Variants in C6orf89 observed in about 807,000 individuals in gnomAD.
The protein encoded by C6orf89 is bombesin receptor-activated protein C6orf89.
A neutral mutation model predicts 40.7 loss-of-function variants in C6orf89; 29 were observed. The ratio of observed to expected loss-of-function variants is 0.71; its 90% confidence interval spans 0.53 to 0.97. The LOEUF (loss-of-function observed/expected upper bound fraction) is 0.97. Ranked by LOEUF, C6orf89 falls within the 50% of genes least tolerant of loss-of-function variation. C6orf89 has a pLI of 0.00. For missense variants in C6orf89, 392 were observed against 429.1 expected (o/e 0.91, Z 0.76); for synonymous variants, 165 against 152.2 (o/e 1.08, Z -0.62).
intron 2 of C6orf89, among the ~76,000 whole-genome samples, chr6:36,897,648 A>G (rs1286623850): frequency 6.6e-6 from 1 of 152,222 alleles, no homozygotes; most frequent in Non-Finnish European, 1.5e-5. Flanking sequence ...CCCAGGTATG[A>G]GCATTTATGA....
At chr6:36,887,504 G>A (rs1211833382) in intron 1 of C6orf89, among the ~76,000 whole-genome samples, 1 of 152,172 alleles carries the variant, frequency 6.6e-6, no homozygotes, top group African/African-American at 2.4e-5. Flanking sequence ...AGCCCTAGAG[G>A]TGCATAGGAC....
Position 36,902,418 on chromosome 6 carries a change from A to G in C6orf89, c.387A>G (p.Glu129=), listed in dbSNP as rs761459404. 6.2e-6 allele frequency: 10 copies of G among 1,614,106 alleles called. No homozygotes were observed. The highest frequency in any genetic ancestry group is 8.5e-6 in the Non-Finnish European group (10 of 1,179,932). The change falls in exon 4 of 9, where the codon GAA becomes GAG. Residue 129 remains glutamate (E), a synonymous_variant. Coordinates refer to ENST00000480824, the MANE Select transcript of C6orf89 (RefSeq NM_001286635.2). ...GAGTTCCTCTGCATGGGGGTGATGAAGACAGACCCTTTCCAGGTAAAATGC... is the reference window on the plus strand; with the variant it reads ...GAGTTCCTCTGCATGGGGGTGATGAGGACAGACCCTTTCCAGGTAAAATGC... The part of the protein sequence containing the change: ...NKGVPLHGGD[E]DRPFPDFDPW...
At chr6:36,872,089 T>C (rs1774522906) in intron 1 of C6orf89, 1 of 391,144 alleles carries the variant, frequency 2.6e-6, no homozygotes, top group Non-Finnish European at 4.4e-6. Context: ...TCTGGGTACT[T>C]CTTTTCAGCA....
intron 1 of C6orf89, among the ~76,000 whole-genome samples, chr6:36,873,499 A>G (rs983321603): frequency 2.0e-5 from 3 of 152,258 alleles, no homozygotes; most frequent in African/African-American, 4.8e-5. Flanking sequence ...CATAGAAAAA[A>G]GTCTGGACAA....
At chr6:36,908,039 T>TA (rs1761987875) in intron 4 of C6orf89, among the ~76,000 whole-genome samples, 2 of 152,214 alleles carry the variant, frequency 1.3e-5, no homozygotes, top group South Asian at 4.1e-4. Context: ...TCAGGGACTC[T>TA]GTGGGGAGAG....
At chr6:36,910,407 T>A (rs1762081923) in intron 4 of C6orf89, among the ~76,000 whole-genome samples, 1 of 152,220 alleles carries the variant, frequency 6.6e-6, no homozygotes, top group Admixed American at 6.5e-5. Context: ...GAATCTACCC[T>A]TTCCTCACTT....
chr6:36,872,547 G>A (rs1774534904), intron 1 of C6orf89, among the ~76,000 whole-genome samples: 1 of 151,986 alleles, frequency 6.6e-6, no homozygotes, highest in Non-Finnish European at 1.5e-5. Context: ...AGAGGCAAGA[G>A]AAAGGACGAG....
intron 1 of C6orf89, among the ~76,000 whole-genome samples, chr6:36,872,965 G>A (rs1561850092): frequency 3.3e-5 from 5 of 152,196 alleles, no homozygotes; most frequent in Admixed American, 2.0e-4. Context: ...CTTGCACAGT[G>A]TAAACACTCT....
chr6:36,888,503 G>A (rs532182097), intron 1 of C6orf89, among the ~76,000 whole-genome samples: 60 of 152,264 alleles, frequency 3.9e-4, no homozygotes, highest in African/African-American at 1.4e-3. Context: ...GTGTGGTGGC[G>A]CGTGCCTGTA....
At chr6:36,897,661 C>T (rs913042595) in intron 2 of C6orf89, among the ~76,000 whole-genome samples, 9 of 152,166 alleles carry the variant, frequency 5.9e-5, no homozygotes, top group African/African-American at 1.4e-4. Context: ...ATTTATGAAA[C>T]GCTCTCTAGG....
chr6:36,886,486 C>A (rs1375800404), intron 1 of C6orf89, among the ~76,000 whole-genome samples: 1 of 152,132 alleles, frequency 6.6e-6, no homozygotes, highest in Non-Finnish European at 1.5e-5. Context: ...ATAAACCTGG[C>A]ATCTTGGATT....
At chr6:36,874,790 A>G (rs370416380) in intron 1 of C6orf89, 2 of 1,613,758 alleles carry the variant, frequency 1.2e-6, no homozygotes, top group Non-Finnish European at 1.7e-6. Flanking sequence ...CCGGCGGCGG[A>G]ATGCTTGTCT....
At chr6:36,898,956 C>G (rs1386580427) in intron 2 of C6orf89, among the ~76,000 whole-genome samples, 1 of 152,150 alleles carries the variant, frequency 6.6e-6, no homozygotes, top group South Asian at 2.1e-4. Context: ...AGTAAATCAC[C>G]TTCAGTAATC....
At chr6:36,871,860 A>C, upstream of C6orf89, 1 of 1,587,806 alleles carries the variant, frequency 6.3e-7, no homozygotes, top group Non-Finnish European at 8.5e-7. Context: ...GCTCCAGCAC[A>C]ATGATTCCCA....
At chr6:36,879,924 A>G (rs1774758924) in intron 2 of C6orf89, among the ~76,000 whole-genome samples, 1 of 152,178 alleles carries the variant, frequency 6.6e-6, no homozygotes, top group African/African-American at 2.4e-5. Flanking sequence ...GCTCAAAATT[A>G]ACTACTCTAG....
At chr6:36,900,855 T>C (rs1370163676) in intron 3 of C6orf89, among the ~76,000 whole-genome samples, 4 of 149,856 alleles carry the variant, frequency 2.7e-5, no homozygotes, top group Non-Finnish European at 5.9e-5. Flanking sequence ...ATGTATTTAT[T>C]TATTTTTTGA....
chr6:36,890,335 T>C (rs901013844), intron 1 of C6orf89, among the ~76,000 whole-genome samples: 14 of 152,074 alleles, frequency 9.2e-5, no homozygotes, highest in African/African-American at 3.4e-4. Context: ...CAACCACCAT[T>C]CTGTTCTTTG....
At chr6:36,921,228 A>G (rs1339288520) in intron 8 of C6orf89, among the ~76,000 whole-genome samples, 4 of 140,186 alleles carry the variant, frequency 2.9e-5, no homozygotes, top group Non-Finnish European at 4.7e-5. Context: ...GAATGGGGGC[A>G]GGGAGGGGTG....
intron 1 of C6orf89, among the ~76,000 whole-genome samples, chr6:36,876,550 C>T (rs1362669392): frequency 3.3e-5 from 5 of 151,934 alleles, no homozygotes; most frequent in Admixed American, 6.6e-5. Flanking sequence ...CATGGTGAAA[C>T]CCTGTCTCTA....
Sources: gnomAD v4.1 joint callset for allele counts (sites outside exome capture counted in the v4.1 genomes callset) on GRCh38, gnomAD v4.1.1 for gene constraint, MANE v1.5 for transcripts, NCBI Gene and HGNC (gene_info 2026-07-23, HGNC 2026-07-21) for gene names.